The following MRPS27 variants were observed in gnomAD, a reference collection of about 807,000 sequenced individuals.
The protein encoded by MRPS27 is small ribosomal subunit protein mS27.
In MRPS27, 43 loss-of-function variants were observed where a neutral mutation model predicts 48.9. The observed-to-expected ratio is 0.88, with a 90% CI of 0.69 to 1.13. The LOEUF is 1.13. Among genes scored for constraint, MRPS27 ranks in the 50% most tolerant of loss-of-function variants. The probability of loss-of-function intolerance (pLI) is 0.00; values close to 1 mark genes in which losing one functional copy is unlikely to be tolerated. For missense variants in MRPS27, 467 were observed against 476.3 expected (o/e 0.98, Z 0.18); for synonymous variants, 188 against 171.9 (o/e 1.09, Z -0.73).
chr5:72,270,193 CAATAATAATAATAAT>C (rs66874536), intron 4 of MRPS27, among the ~76,000 whole-genome samples: 40 of 140,330 alleles, frequency 2.9e-4, no homozygotes, highest in Non-Finnish European at 4.4e-4. Flanking sequence ...AACTCCATCT[CAATAATAATAATAAT>C]AATAATAATA....
At chr5:72,275,262 A>G (rs921065531) in intron 4 of MRPS27, among the ~76,000 whole-genome samples, 1 of 152,182 alleles carries the variant, frequency 6.6e-6, no homozygotes, top group African/African-American at 2.4e-5. Flanking sequence ...CCAAATCATG[A>G]GTGAACTCCC....
chr5:72,236,446 T>A (rs1748200576), intron 5 of MRPS27, among the ~76,000 whole-genome samples: 1 of 152,186 alleles, frequency 6.6e-6, no homozygotes, highest in African/African-American at 2.4e-5. Flanking sequence ...TTTGATGTTC[T>A]TTCCACTAAA....
At chr5:72,282,254 C>T (rs1293925671) in intron 4 of MRPS27, among the ~76,000 whole-genome samples, 1 of 152,132 alleles carries the variant, frequency 6.6e-6, no homozygotes, top group East Asian at 1.9e-4. Context: ...AACCATGATG[C>T]AATCAACTGA....
At chr5:72,299,419 C>A (rs957661313) in intron 2 of MRPS27, among the ~76,000 whole-genome samples, 5 of 151,904 alleles carry the variant, frequency 3.3e-5, no homozygotes, top group African/African-American at 4.8e-5. Flanking sequence ...AGGTTCCCCC[C>A]AAAAAAAGAA....
At chr5:72,291,318 G>C (rs1320999752) in intron 4 of MRPS27, among the ~76,000 whole-genome samples, 1 of 152,134 alleles carries the variant, frequency 6.6e-6, no homozygotes, top group East Asian at 1.9e-4. Flanking sequence ...TCTCACAGCA[G>C]GGTTCCTAAC....
At chr5:72,280,831 T>G (rs1249505091) in intron 4 of MRPS27, among the ~76,000 whole-genome samples, 1 of 152,256 alleles carries the variant, frequency 6.6e-6, no homozygotes, top group African/African-American at 2.4e-5. Context: ...GGAATCATTT[T>G]CTTGAGGCTT....
intron 4 of MRPS27, among the ~76,000 whole-genome samples, chr5:72,250,183 C>T (rs77770843): frequency 6.6e-6 from 1 of 152,132 alleles, no homozygotes; most frequent in Non-Finnish European, 1.5e-5. Flanking sequence ...TTTCTCTCTT[C>T]TTCCCAATAG....
intron 4 of MRPS27, among the ~76,000 whole-genome samples, chr5:72,241,986 G>A (rs1297484168): frequency 6.6e-6 from 1 of 152,182 alleles, no homozygotes; most frequent in East Asian, 1.9e-4. Context: ...GAAGGCTAAA[G>A]GTACTCTGAG....
At chr5:72,302,122 C>G (rs1401070679) in intron 2 of MRPS27, among the ~76,000 whole-genome samples, 1 of 152,202 alleles carries the variant, frequency 6.6e-6, no homozygotes, top group East Asian at 1.9e-4. Context: ...TGAAGCTAGA[C>G]AGACAATGTG....
intron 4 of MRPS27, among the ~76,000 whole-genome samples, chr5:72,249,733 G>A (rs1748606644): frequency 6.6e-6 from 1 of 151,048 alleles, no homozygotes; most frequent in Non-Finnish European, 1.5e-5. Context: ...TGTAATCCCA[G>A]CACTTTGGGA....
chr5:72,241,551 G>T, intron 4 of MRPS27: 1 of 1,209,568 alleles, frequency 8.3e-7, no homozygotes, highest in South Asian at 1.3e-5. Context: ...ATTCCTGTTG[G>T]TGACTTTTTA....
intron 4 of MRPS27, among the ~76,000 whole-genome samples, chr5:72,293,859 G>T (rs1749905235): frequency 1.3e-5 from 2 of 152,098 alleles, no homozygotes; most frequent in South Asian, 2.1e-4. Context: ...AAAAATATGA[G>T]AACTGGCCAG....
At chr5:72,223,580 C>A in intron 10 of MRPS27, 103 bp downstream of exon 10, 1 of 1,359,508 alleles carries the variant, frequency 7.4e-7, no homozygotes, top group Non-Finnish European at 1.0e-6. Context: ...GTTTTTAATG[C>A]CTCTTTGTGT....
intron 2 of MRPS27, among the ~76,000 whole-genome samples, chr5:72,311,321 T>A (rs1054639147): frequency 6.6e-6 from 1 of 152,098 alleles, no homozygotes; most frequent in African/African-American, 2.4e-5. Context: ...AAAGTGTGTA[T>A]ACAGGGGGAA....
intron 4 of MRPS27, among the ~76,000 whole-genome samples, chr5:72,243,124 G>A (rs866374353): frequency 6.6e-6 from 1 of 152,182 alleles, no homozygotes; most frequent in South Asian, 2.1e-4. Context: ...GATGGGAGAG[G>A]GGGTCAGGGT....
intron 4 of MRPS27, among the ~76,000 whole-genome samples, chr5:72,270,193 CAAT>C (rs66874536): frequency 0.16 from 21,935 of 140,084 alleles, 1,840 homozygotes; most frequent in East Asian, 0.26. Flanking sequence ...AACTCCATCT[CAAT>C]AATAATAATA....
chr5:72,223,901 A>C, intron 9 of MRPS27, 51 bp from the exon 10 acceptor site: 1 of 1,586,616 alleles, frequency 6.3e-7, no homozygotes, highest in Non-Finnish European at 8.6e-7. Flanking sequence ...GCCCAAAAGC[A>C]CATGGTGAAG....
At chr5:72,225,951 A>G in intron 9 of MRPS27, 106 bp downstream of exon 9, 1 of 1,276,456 alleles carries the variant, frequency 7.8e-7, no homozygotes, top group East Asian at 2.4e-5. Flanking sequence ...TATTCTATAG[A>G]CATATAGAAA....
At position 72,239,056 on chromosome 5, in the gene MRPS27, CTA is replaced by C. The variant is rs140115714; in HGVS notation, c.282-930_282-929del. On this transcript the variant is annotated intron_variant, in intron 4 of 10. Coordinates refer to ENST00000261413, the MANE Select transcript of MRPS27 (RefSeq NM_015084.3). The stretch of plus-strand genomic sequence containing the variant: ...TACTATATCATGTTAGCTGAAATCC[CTA>C]TGTTTTCCTGAATCATTCAGGAAGC... Among the ~76,000 whole-genome samples, 564 of 152,216 alleles carry C rather than the reference CTA, an allele frequency of 3.7e-3. 1 individual carries two copies. Among genetic ancestry groups the C allele is most frequent in the African/African-American group, 0.013 (548 of 41,534 alleles).
Sources: allele counts gnomAD v4.1 joint callset (sites outside exome capture counted in the v4.1 genomes callset), GRCh38; gene constraint gnomAD v4.1.1; transcripts MANE v1.5; gene names NCBI Gene and HGNC (gene_info 2026-07-23, HGNC 2026-07-21).